The following HDDC2 variants were observed in gnomAD, a reference collection of about 807,000 sequenced individuals.
HDDC2 encodes the protein 5'-deoxynucleotidase HDDC2.
HDDC2 carries 25 observed loss-of-function variants against 25.5 expected under a neutral mutation model. The observed-to-expected ratio is 0.98, with a 90% confidence interval of 0.72 to 1.37. The LOEUF is 1.37. Among genes scored for constraint, HDDC2 ranks in the 40% most tolerant of loss-of-function variants. The probability of loss-of-function intolerance (pLI) is 0.00; values close to 1 mark genes in which losing one functional copy is unlikely to be tolerated. For missense variants in HDDC2, 264 were observed against 253.1 expected (o/e 1.04, Z -0.29); for synonymous variants, 106 against 89.7 (o/e 1.18, Z -1.03).
intron 4 of HDDC2, among the ~76,000 whole-genome samples, chr6:125,291,374 T>C (rs1156509166): frequency 6.6e-6 from 1 of 152,216 alleles, no homozygotes; most frequent in African/African-American, 2.4e-5. Context: ...CCAGAGCTTT[T>C]GGCTTTCAGC....
Position 125,297,643 on chromosome 6 carries a change from T to C in HDDC2, c.309+1071A>G, listed in dbSNP as rs558165343. ...GCTCCAGTCTCCCCAGCTCTGAGAA[T>C]AGACATTTAAACACACTTGCCCTGT... On this transcript the variant is annotated intron_variant, in intron 3 of 5. Coordinates refer to ENST00000398153, the MANE Select transcript of HDDC2 (RefSeq NM_016063.3). 3.7e-4 allele frequency: 146 copies of C among 399,100 alleles called. No homozygotes were observed. The Middle Eastern group carries it at 4.4e-3, about 12-fold the overall frequency. The allele number at this position is 399,100 out of a possible 1,614,324, so 24.7% of individuals were successfully genotyped here.
At chr6:125,281,696 G>T (rs1026078101) in intron 4 of HDDC2, among the ~76,000 whole-genome samples, 1 of 152,024 alleles carries the variant, frequency 6.6e-6, no homozygotes, top group Non-Finnish European at 1.5e-5. Context: ...AAGAAATATG[G>T]GACTATGTGA....
intron 3 of HDDC2, among the ~76,000 whole-genome samples, chr6:125,297,290 T>A (rs1798718629): frequency 6.6e-6 from 1 of 152,220 alleles, no homozygotes; most frequent in Admixed American, 6.5e-5. Flanking sequence ...AGTTCTTTAT[T>A]CATGGCAGTG....
chr6:125,301,610 G>C (rs979992687), intron 1 of HDDC2, among the ~76,000 whole-genome samples: 1 of 152,134 alleles, frequency 6.6e-6, no homozygotes, highest in Non-Finnish European at 1.5e-5. Flanking sequence ...CGCGGCGCCA[G>C]GCTCTAGGCT....
At chr6:125,276,395 G>A (rs371969042) in intron 5 of HDDC2, 152 bp from the exon 6 acceptor site, 1 of 615,842 alleles carries the variant, frequency 1.6e-6, no homozygotes, top group Non-Finnish European at 2.9e-6. Context: ...CAGGTCCTGG[G>A]AAGGGGCTGA....
At chr6:125,288,134 A>G (rs1798570379) in intron 4 of HDDC2, among the ~76,000 whole-genome samples, 1 of 152,232 alleles carries the variant, frequency 6.6e-6, no homozygotes, top group African/African-American at 2.4e-5. Flanking sequence ...GGCTTCTAAA[A>G]AGCTGGAGAA....
At chr6:125,292,384 G>A (rs907192616) in intron 4 of HDDC2, among the ~76,000 whole-genome samples, 14 of 152,078 alleles carry the variant, frequency 9.2e-5, no homozygotes, top group African/African-American at 3.4e-4. Context: ...CCTGTTCCAT[G>A]CCAGGCATCT....
chr6:125,294,000 C>CAGT (rs1798668113), intron 3 of HDDC2, among the ~76,000 whole-genome samples: 1 of 152,208 alleles, frequency 6.6e-6, no homozygotes, highest in African/African-American at 2.4e-5. Flanking sequence ...CCAGGAGCTA[C>CAGT]CCTTATCCTC....
intron 3 of HDDC2, among the ~76,000 whole-genome samples, chr6:125,296,262 G>A (rs1324334025): frequency 3.3e-5 from 5 of 152,042 alleles, no homozygotes; most frequent in Admixed American, 1.3e-4. Flanking sequence ...ATACAAATAC[G>A]ACACCATTTT....
At chr6:125,291,068 T>C (rs1480120614) in intron 4 of HDDC2, among the ~76,000 whole-genome samples, 1 of 152,222 alleles carries the variant, frequency 6.6e-6, no homozygotes, top group African/African-American at 2.4e-5. Flanking sequence ...ACAAGAGTGT[T>C]TCCCCCTTAG....
chr6:125,300,589 C>G lies in HDDC2; in HGVS notation c.155G>C (p.Arg52Pro). Residue 52 changes from arginine (R) to proline (P), a missense_variant, in exon 2 of 6, where the codon CGG becomes CCG. Coordinates refer to ENST00000398153, the MANE Select transcript of HDDC2 (RefSeq NM_016063.3). The stretch of plus-strand genomic sequence containing the variant: ...GATCACCATAGCCATAACTGCCATC[C>G]GGTACATGTGATCTGAAACGCTCTC... Reference protein sequence around the residue: ...RPESVSDHMYRMAVMAMVIKD... With the variant: ...RPESVSDHMYPMAVMAMVIKD... 1 of 1,614,114 alleles carries G rather than the reference C, an allele frequency of 6.2e-7. No individual in the cohort carries two copies. The highest frequency in any genetic ancestry group is 8.5e-7 in the Non-Finnish European group (1 of 1,180,008).
In HDDC2 at chr6:125,298,650, T is replaced by C. The variant is rs759571686; in HGVS notation, c.309+64A>G. The C allele has an allele frequency of 6.3e-5, 76 of 1,203,802 alleles. No homozygotes were observed. In the African/African-American group the frequency reaches 1.1e-3, roughly 17 times the overall value. 74.6% of individuals were successfully genotyped at this position (1,203,802 alleles called of 1,614,324 possible). On this transcript the variant is annotated intron_variant, in intron 3 of 5. Transcript: ENST00000398153. ...CCTAACTGTAACAGGTCTCATAAAC[T>C]TAGCTTTGCTTCAGCAAGAGGTTTT...
At chr6:125,286,579 T>C (rs990975032) in intron 4 of HDDC2, among the ~76,000 whole-genome samples, 16 of 152,236 alleles carry the variant, frequency 1.1e-4, no homozygotes, top group African/African-American at 3.4e-4. Context: ...GTAAAAACTC[T>C]GTAGTACTGA....
chr6:125,298,718 T>A lies in HDDC2; in HGVS notation c.305A>T (p.Glu102Val), dbSNP rs779702729. The change falls in exon 3 of 6, where the codon GAA becomes GTA. Residue 102 changes from glutamate to valine, a missense_variant. Physicochemically the swap from Glu to Val is moderately radical, Grantham distance 121. Coordinates refer to ENST00000398153, the MANE Select transcript of HDDC2 (RefSeq NM_016063.3). ...CAGTCAATAGTCAACACTGACCTCT[T>A]CTCGCCTATGTTTTTCTTCTTTGGG... ...NIPKEEKHRR[E>V]EEAMKQITQL... is the part of the protein sequence containing the mutation. 3.7e-6 allele frequency: 6 copies of A among 1,613,238 alleles called. No homozygotes were observed. Among genetic ancestry groups the A allele is most frequent in the Non-Finnish European group, 5.1e-6 (6 of 1,179,152 alleles).
At chr6:125,278,452 A>C (rs1014253225) in intron 4 of HDDC2, 1 of 152,204 alleles carries the variant, frequency 6.6e-6, no homozygotes, top group Non-Finnish European at 1.5e-5. Flanking sequence ...AATACAATAC[A>C]TCTTATTACA....
intron 4 of HDDC2, among the ~76,000 whole-genome samples, chr6:125,287,455 C>T (rs757298306): frequency 2.0e-5 from 3 of 151,978 alleles, no homozygotes; most frequent in Non-Finnish European, 2.9e-5. Flanking sequence ...CTACTCTTGG[C>T]CTTTTGCATG....
At chr6:125,301,442 TACACAC>T (rs3039619) in intron 1 of HDDC2, among the ~76,000 whole-genome samples, 23 of 145,094 alleles carry the variant, frequency 1.6e-4, no homozygotes, top group South Asian at 6.6e-4. Flanking sequence ...AGCCGCGCTT[TACACAC>T]ACACACACAC....
In HDDC2 at chr6:125,289,499, AAAAAACAAAACAAAAC is replaced by A. The variant is rs1428879945; in HGVS notation, c.378+3326_378+3341del. Among the ~76,000 whole-genome samples the A allele has an allele frequency of 5.5e-3, 736 of 134,778 alleles. 10 individuals carry two copies. Among genetic ancestry groups the A allele is most frequent in the African/African-American group, 0.024 (698 of 29,682 alleles). The allele number at this position is 134,778 out of a possible 152,430, so 88.4% of individuals were successfully genotyped here. On this transcript the variant is annotated intron_variant, in intron 4 of 5. Transcript: ENST00000398153. ...AGTATAATAAAAAAAAAAAAATTAA[AAAAAACAAAACAAAAC>A]AAAAAAAACAAAAAAAAAACATTTC...
At chr6:125,276,324 T>A in intron 5 of HDDC2, 81 bp from the exon 6 acceptor site, 2 of 1,007,374 alleles carry the variant, frequency 2.0e-6, no homozygotes, top group African/African-American at 1.6e-5. Context: ...GATCCCAGGG[T>A]TCACTGGGGG....
Sources: allele counts gnomAD v4.1 joint callset (sites outside exome capture counted in the v4.1 genomes callset), GRCh38; gene constraint gnomAD v4.1.1; transcripts MANE v1.5; gene names NCBI Gene and HGNC (gene_info 2026-07-23, HGNC 2026-07-21).